Variants in SNX13 observed in about 807,000 individuals in gnomAD.
SNX13 encodes sorting nexin-13.
Under a neutral mutation model 133.6 loss-of-function variants are expected in SNX13, and 45 were observed. That is an observed-to-expected ratio of 0.34 (90% CI 0.27 to 0.43). SNX13 has a LOEUF of 0.43. Among genes scored for constraint, SNX13 ranks in the 20% least tolerant of loss-of-function variants. SNX13 has a pLI of 1.00. For missense variants in SNX13, 1,032 were observed against 1,145.1 expected (o/e 0.90, Z 1.43); for synonymous variants, 414 against 373.9 (o/e 1.11, Z -1.24).
chr7:17,792,430 C>A lies in SNX13; in HGVS notation c.*1615G>T, dbSNP rs1326130559. 6.6e-6 allele frequency: 1 copy of A among 152,318 alleles called. No homozygotes were observed. Among genetic ancestry groups the A allele is most frequent in the Non-Finnish European group, 1.5e-5 (1 of 67,902 alleles). 9.4% of individuals were successfully genotyped at this position (152,318 alleles called of 1,614,324 possible). On this transcript the variant is annotated 3_prime_UTR_variant, in exon 26 of 26. Coordinates refer to ENST00000428135, the MANE Select transcript of SNX13 (RefSeq NM_015132.5). ...AATATATGCATACTATAAGTATGCA[C>A]AACAGCATTATTAATAAATATGATT...
intron 1 of SNX13, among the ~76,000 whole-genome samples, chr7:17,925,145 C>T (rs902476207): frequency 3.9e-5 from 6 of 152,066 alleles, no homozygotes; most frequent in African/African-American, 1.2e-4. Context: ...ACCTGGGAGG[C>T]AGAGGTTTCA....
At position 17,803,482 on chromosome 7, in the gene SNX13, C is replaced by T; in HGVS notation, c.2163G>A (p.Met721Ile). The change falls in exon 21 of 26, where the codon ATG becomes ATA. Residue 721 changes from methionine (M) to isoleucine (I), a missense_variant. By Grantham distance (10) the Met-to-Ile change is conservative (BLOSUM62 1). Transcript: ENST00000428135. ...CTGACATTTTGCCCATGTTGTCTGA[C>T]ATTTTAGTCATTCCCTCTGCCAAGC... ...PDSLAEGMTK[M>I]SDNMGKMSER... 6.2e-7 allele frequency: 1 copy of T among 1,612,548 alleles called. No homozygotes were observed. The highest frequency in any genetic ancestry group is 1.1e-5 in the South Asian group (1 of 90,754).
At chr7:17,934,008 T>G (rs1351917256) in intron 1 of SNX13, among the ~76,000 whole-genome samples, 1 of 152,208 alleles carries the variant, frequency 6.6e-6, no homozygotes, top group Non-Finnish European at 1.5e-5. Context: ...AGTGATAAAG[T>G]TGAGACTCAT....
chr7:17,899,914 T>C (rs1160258944), intron 1 of SNX13: 1 of 152,116 alleles, frequency 6.6e-6, no homozygotes, highest in Non-Finnish European at 1.5e-5. Context: ...ATTGCAGTCT[T>C]TACAGTCTGG....
At chr7:17,800,108 C>A (rs1583451524) in intron 22 of SNX13, among the ~76,000 whole-genome samples, 1 of 151,740 alleles carries the variant, frequency 6.6e-6, no homozygotes, top group East Asian at 1.9e-4. Flanking sequence ...CTTCTGTATT[C>A]TCTGATCAAG....
intron 1 of SNX13, among the ~76,000 whole-genome samples, chr7:17,902,772 A>G (rs1797974141): frequency 6.6e-6 from 1 of 152,196 alleles, no homozygotes; most frequent in Non-Finnish European, 1.5e-5. Flanking sequence ...GCAGACCATT[A>G]GGAACTGGGC....
Position 17,835,045 on chromosome 7 carries a change from A to G in SNX13, c.1360-180T>C, listed in dbSNP as rs1354601970. ...ACAGGACTAAACCCTTCTCTTCCTCATGTACTCTTCCTCATAGCAGGCTGG... is the reference window on the plus strand; with the variant it reads ...ACAGGACTAAACCCTTCTCTTCCTCGTGTACTCTTCCTCATAGCAGGCTGG... On this transcript the variant is annotated intron_variant, in intron 13 of 25. Coordinates refer to ENST00000428135, the MANE Select transcript of SNX13 (RefSeq NM_015132.5). 2.6e-5 allele frequency among the ~76,000 whole-genome samples: 4 copies of G among 151,892 alleles called. No homozygotes were observed. The East Asian group carries it at 7.7e-4, about 29-fold the overall frequency.
chr7:17,809,282 CAAAAAAAAAAAAAAA>C, intron 20 of SNX13, among the ~76,000 whole-genome samples: 1 of 49,276 alleles, frequency 2.0e-5, no homozygotes, highest in African/African-American at 8.1e-5. Flanking sequence ...AGATGGAAAG[CAAAAAAAAAAAAAAA>C]AAAAAAAAAA....
chr7:17,839,735 A>G (rs1245565868), intron 13 of SNX13, 72 bp downstream of exon 13: 1 of 1,269,008 alleles, frequency 7.9e-7, no homozygotes, highest in Non-Finnish European at 1.1e-6. Context: ...TCAGCCTGGC[A>G]TAAGCAATGG....
intron 15 of SNX13, among the ~76,000 whole-genome samples, 174 bp downstream of exon 15, chr7:17,833,875 TCAG>T (rs1432001101): frequency 6.6e-6 from 1 of 151,750 alleles, no homozygotes; most frequent in Non-Finnish European, 1.5e-5. Context: ...TATTAAATTT[TCAG>T]CATTTTAATT....
rs149915754 is a variant in SNX13 at position 17,801,314 on chromosome 7, T to C, written c.2298+274A>G. Among the ~76,000 whole-genome samples the C allele has an allele frequency of 1.1e-3, 160 of 151,802 alleles. 1 individual carries two copies. Among genetic ancestry groups the C allele is most frequent in the African/African-American group, 3.7e-3 (154 of 41,486 alleles). ...CTTACAGTTTCATATATACAAAGTA[T>C]AAAAGCAGAGTAGAAGTTAGGATAG... On this transcript the variant is annotated intron_variant, in intron 22 of 25. Transcript: ENST00000428135.
chr7:17,910,594 C>G (rs1798858017), intron 1 of SNX13, among the ~76,000 whole-genome samples: 1 of 152,120 alleles, frequency 6.6e-6, no homozygotes, highest in Non-Finnish European at 1.5e-5. Context: ...ACCAGGTACT[C>G]AAACAGAAAC....
chr7:17,940,225 G>A (rs1802672342), intron 1 of SNX13, 59 bp downstream of exon 1: 1 of 1,550,880 alleles, frequency 6.4e-7, no homozygotes, highest in Admixed American at 2.0e-5. Context: ...TTCTCTGACG[G>A]GCTGGCGCCG....
intron 21 of SNX13, among the ~76,000 whole-genome samples, chr7:17,802,048 CTG>C (rs1477339209): frequency 6.6e-6 from 1 of 151,942 alleles, no homozygotes; most frequent in Non-Finnish European, 1.5e-5. Flanking sequence ...TGCATTTTTT[CTG>C]TGTCGATATA....
At chr7:17,862,450 A>C (rs948621163) in intron 9 of SNX13, among the ~76,000 whole-genome samples, 1 of 152,200 alleles carries the variant, frequency 6.6e-6, no homozygotes, top group Non-Finnish European at 1.5e-5. Flanking sequence ...GAAATACATA[A>C]AAAAGAAAAA....
At chr7:17,925,953 G>A (rs1173415675) in intron 1 of SNX13, among the ~76,000 whole-genome samples, 4 of 152,218 alleles carry the variant, frequency 2.6e-5, no homozygotes, top group Non-Finnish European at 5.9e-5. Flanking sequence ...ATTGGGAATT[G>A]CCGATAATTT....
intron 3 of SNX13, 41 bp downstream of exon 3, chr7:17,893,291 G>T (rs947668214): frequency 7.4e-7 from 1 of 1,342,290 alleles, no homozygotes; most frequent in African/African-American, 1.5e-5. Context: ...TCATTGCAAA[G>T]AACTGGACTT....
rs201561510 is a variant in SNX13 at position 17,798,758 on chromosome 7, T to C, written c.2445A>G (p.Arg815=). 6.5e-7 allele frequency: 1 copy of C among 1,550,208 alleles called. No individual in the cohort carries two copies. Residue 815 remains arginine, a splice_region_variant and synonymous_variant, in exon 24 of 26, where the codon AGA becomes AGG. Coordinates refer to ENST00000428135, the MANE Select transcript of SNX13 (RefSeq NM_015132.5). ...TCCAGTCAACATGGTCAACTATTTT[T>C]CTGAAAGTAAATTAATGTAAATGAG... ...IRATYGDTIN[R]KIVDHVDWMT...
At chr7:17,939,122 AAGTT>A (rs1166881162) in intron 1 of SNX13, among the ~76,000 whole-genome samples, 2 of 152,200 alleles carry the variant, frequency 1.3e-5, no homozygotes, top group African/African-American at 4.8e-5. Flanking sequence ...AAGTTCCTCA[AAGTT>A]AGTCACGTTC....
Sources: gnomAD v4.1 joint callset for allele counts (sites outside exome capture counted in the v4.1 genomes callset) on GRCh38, gnomAD v4.1.1 for gene constraint, MANE v1.5 for transcripts, NCBI Gene and HGNC (gene_info 2026-07-23, HGNC 2026-07-21) for gene names.